Variants in CYB561A3 observed in about 807,000 individuals in gnomAD.
CYB561A3 encodes the protein cytochrome b561 family member A3.
A neutral mutation model predicts 25.3 loss-of-function variants in CYB561A3; 16 were observed. That is an observed-to-expected ratio of 0.63 (90% CI 0.43 to 0.96). The LOEUF (loss-of-function observed/expected upper bound fraction) is 0.96, where lower values mean the gene tolerates loss of function less well. Among genes scored for constraint, CYB561A3 ranks in the 40% least tolerant of loss-of-function variants. CYB561A3 has a pLI of 0.00. For synonymous variants in CYB561A3, 131 were observed against 129.9 expected, an observed-to-expected ratio of 1.01 and a Z score of -0.06; for missense variants, 219 against 307.5, an observed-to-expected ratio of 0.71 and a Z score of 2.15.
Position 61,350,112 on chromosome 11 carries a change from G to C in CYB561A3, c.*287C>G. The C allele has an allele frequency of 1.8e-6, 1 of 570,366 alleles. No individual in the cohort carries two copies. The highest frequency in any genetic ancestry group is 2.9e-5 in the East Asian group (1 of 34,056). The allele number at this position is 570,366 out of a possible 1,614,324, so 35.3% of individuals were successfully genotyped here. On this transcript the variant is annotated 3_prime_UTR_variant, in exon 7 of 7. Transcript: ENST00000294072. ...ACCAAGGAAAGCAGACAGGCAGCAA[G>C]CAGCCAGAGAAGGCAGGCCCAGCAC...
At chr11:61,362,212 G>C (rs1035431987), upstream of CYB561A3, 4 of 152,322 alleles carry the variant, frequency 2.6e-5, no homozygotes, top group Non-Finnish European at 5.9e-5. Context: ...TAGCGGCGAC[G>C]CTGGGAGGGC....
rs755557977 is a variant in CYB561A3, at chr11:61,352,843, A to G, written c.548+142T>C. On this transcript the variant is annotated intron_variant, in intron 5 of 6. Transcript: ENST00000294072. Reference sequence around the variant, plus strand: ...CCAATTTCAACCTAAAGAAAGATCAATTCTGTTACCTTCCAGATCAGGAGT... The same window carrying G: ...CCAATTTCAACCTAAAGAAAGATCAGTTCTGTTACCTTCCAGATCAGGAGT... 14 of 1,493,384 alleles carry G rather than the reference A, an allele frequency of 9.4e-6. No homozygotes were observed. The South Asian group carries it at 1.4e-4, about 14-fold the overall frequency. 92.5% of individuals were successfully genotyped at this position (1,493,384 alleles called of 1,614,324 possible). A position where few individuals can be genotyped will look rare whatever the true frequency, so the allele number is the denominator to read the frequency against.
chr11:61,352,999 CT>C lies in CYB561A3; in HGVS notation c.533del (p.Lys178SerfsTer6). 3 of 1,614,118 alleles carry C rather than the reference CT, an allele frequency of 1.9e-6. No individual in the cohort carries two copies. The highest frequency in any genetic ancestry group is 2.5e-6 in the Non-Finnish European group (3 of 1,180,020). On this transcript the variant is annotated frameshift_variant, in exon 5 of 7. Coordinates refer to ENST00000294072, the MANE Select transcript of CYB561A3 (RefSeq NM_153611.6). LOFTEE classifies it high-confidence loss of function. Reference sequence around the variant, plus strand: ...ACTGCACTCACAAACTGAAGAAAAGCTTCTCATTAATGCCCGAAATGACGGA... The same window carrying C: ...ACTGCACTCACAAACTGAAGAAAAGCTCTCATTAATGCCCGAAATGACGGA... ...IASVISGINE[K>X]LFFSLKNTTR...
Position 61,350,378 on chromosome 11 carries a change from T to C in CYB561A3, c.*21A>G. On this transcript the variant is annotated 3_prime_UTR_variant, in exon 7 of 7. Transcript: ENST00000294072. Reference sequence around the variant, plus strand: ...CACAGGCTGCACCACCAGGAGCTCTTGGGAGCCCCTTCCTGCTGCTTCACT... The same window carrying C: ...CACAGGCTGCACCACCAGGAGCTCTCGGGAGCCCCTTCCTGCTGCTTCACT... The C allele has an allele frequency of 1.9e-6, 3 of 1,607,350 alleles. No homozygotes were observed. The highest frequency in any genetic ancestry group is 2.2e-5 in the East Asian group (1 of 44,700).
chr11:61,354,227 T>C lies in CYB561A3; in HGVS notation c.185-235A>G, dbSNP rs545982927. 51 of 557,804 alleles carry C rather than the reference T, an allele frequency of 9.1e-5. No homozygotes were observed. In the South Asian group the frequency reaches 1.0e-3, roughly 11 times the overall value. 34.6% of individuals were successfully genotyped at this position (557,804 alleles called of 1,614,324 possible). On this transcript the variant is annotated intron_variant, in intron 3 of 6. Transcript: ENST00000294072. ...AGGAGTGGTCAGGCAAGGTGGCTCA[T>C]GCCTGTAATTCCAGCACTTTTTGGG... is the stretch of plus-strand genomic sequence containing the variant.
intron 3 of CYB561A3, 138 bp downstream of exon 3, chr11:61,356,392 T>A: frequency 5.1e-6 from 5 of 976,646 alleles, no homozygotes; most frequent in Non-Finnish European, 6.9e-6. Context: ...AAATGACAGC[T>A]AGGCCCAGAG....
chr11:61,356,022 G>C (rs564396514), intron 3 of CYB561A3: 1 of 151,476 alleles, frequency 6.6e-6, no homozygotes, highest in Non-Finnish European at 1.5e-5. Context: ...AACCTGGGAG[G>C]TGGAGCTTGC....
At chr11:61,353,638 G>T in intron 4 of CYB561A3, 146 bp downstream of exon 4, 4 of 942,308 alleles carry the variant, frequency 4.2e-6, no homozygotes, top group Non-Finnish European at 1.7e-6. Context: ...CACAGCCCTT[G>T]AATAAACTGT....
intron 5 of CYB561A3, 45 bp from the exon 6 acceptor site, chr11:61,351,192 C>T (rs746802175): frequency 3.9e-6 from 6 of 1,552,592 alleles, no homozygotes; most frequent in East Asian, 4.6e-5. Context: ...ATTTTTCCAC[C>T]TATTTTTGTC....
chr11:61,350,606 T>C, intron 6 of CYB561A3, 184 bp from the exon 7 acceptor site: 1 of 699,518 alleles, frequency 1.4e-6, no homozygotes, highest in Admixed American at 2.8e-5. Flanking sequence ...CATCAAGACC[T>C]GCTCTGAGCA....
intron 1 of CYB561A3, chr11:61,359,671 A>G (rs1353000024): frequency 6.6e-6 from 1 of 152,248 alleles, no homozygotes; most frequent in African/African-American, 2.4e-5. Context: ...CCCTGCTCAC[A>G]ATACACAGAT....
chr11:61,354,970 G>C (rs1003679945), intron 3 of CYB561A3, among the ~76,000 whole-genome samples: 2 of 149,942 alleles, frequency 1.3e-5, no homozygotes, highest in African/African-American at 4.9e-5. Context: ...CCGGGTTCAC[G>C]CCATTCTCCT....
chr11:61,358,079 A>G (rs2135129476), intron 1 of CYB561A3: 1 of 152,394 alleles, frequency 6.6e-6, no homozygotes, highest in Non-Finnish European at 1.5e-5. Flanking sequence ...ACAGGTTGTC[A>G]GATCAAGTGA....
Position 61,350,509 on chromosome 11 carries a change from G to A in CYB561A3, c.706-87C>T, listed in dbSNP as rs1368707520. 122 of 1,538,226 alleles carry A rather than the reference G, an allele frequency of 7.9e-5. No individual in the cohort carries two copies. In the Admixed American group the frequency reaches 2.3e-3, roughly 29 times the overall value. On this transcript the variant is annotated intron_variant, in intron 6 of 6. Coordinates refer to ENST00000294072, the MANE Select transcript of CYB561A3 (RefSeq NM_153611.6). ...AGCTGTTCAGACAGACCCCCAGCCT[G>A]CAGGGTGGTCCCCATCCAAGCCACC...
Position 61,357,321 on chromosome 11 carries a change from G to A in CYB561A3, c.-16+412C>T, listed in dbSNP as rs1212623118. 3.2e-6 allele frequency: 4 copies of A among 1,243,616 alleles called. No individual in the cohort carries two copies. The Admixed American group carries it at 9.5e-5, about 30-fold the overall frequency. 77.0% of individuals were successfully genotyped at this position (1,243,616 alleles called of 1,614,324 possible). Reference sequence around the variant, plus strand: ...TGCCCACACTCCACACCTTGAACCAGCTGATGCCCCTCAGCTGTCTCCAGC... The same window carrying A: ...TGCCCACACTCCACACCTTGAACCAACTGATGCCCCTCAGCTGTCTCCAGC... On this transcript the variant is annotated intron_variant, in intron 2 of 6. Transcript: ENST00000294072.
At position 61,351,185 on chromosome 11, in the gene CYB561A3, T is replaced by C. The variant is rs780078596; in HGVS notation, c.549-38A>G. ...AAACAATGTGAGCCCTCGAGAGATT[T>C]TTCCACCTATTTTTGTCTAGTGGGA... On this transcript the variant is annotated intron_variant, in intron 5 of 6. Transcript: ENST00000294072. The C allele has an allele frequency of 2.5e-6, 4 of 1,569,216 alleles. No homozygotes were observed. In the African/African-American group the frequency reaches 4.1e-5, roughly 16 times the overall value.
At chr11:61,358,966 G>C (rs1434275974) in intron 1 of CYB561A3, 2 of 152,378 alleles carry the variant, frequency 1.3e-5, no homozygotes, top group Non-Finnish European at 2.9e-5. Flanking sequence ...GCTCAAGCCT[G>C]TAATCCCAGC....
At chr11:61,362,029 G>A (rs988397667), upstream of CYB561A3, 3 of 152,670 alleles carry the variant, frequency 2.0e-5, no homozygotes, top group African/African-American at 4.8e-5. Flanking sequence ...GTTCCTCCTC[G>A]GCGTTTCTTC....
upstream of CYB561A3, chr11:61,361,916 C>G (rs1271810204): frequency 6.6e-6 from 1 of 152,348 alleles, no homozygotes; most frequent in Non-Finnish European, 1.5e-5. Flanking sequence ...TTCTTATAGG[C>G]TCGCAGCACT....
Sources: gnomAD v4.1 joint callset for allele counts (sites outside exome capture counted in the v4.1 genomes callset) on GRCh38, gnomAD v4.1.1 for gene constraint, MANE v1.5 for transcripts, NCBI Gene and HGNC (gene_info 2026-07-23, HGNC 2026-07-21) for gene names.